Variants in TG observed in about 807,000 individuals in gnomAD.
The protein encoded by TG is thyroglobulin.
TG carries 270 observed loss-of-function variants against 324.7 expected under a neutral mutation model. The ratio of observed to expected loss-of-function variants is 0.83; its 90% CI spans 0.75 to 0.92. The LOEUF (loss-of-function observed/expected upper bound fraction) is 0.92. TG is among the 40% of genes least tolerant of loss of function. TG has a pLI of 0.00. For missense variants in TG, 3,591 were observed against 3,456.4 expected, an observed-to-expected ratio of 1.04 and a Z score of -0.98; for synonymous variants, 1,401 against 1,327.0, an observed-to-expected ratio of 1.06 and a Z score of -1.21.
intron 5 of TG, 28 bp from the exon 6 acceptor site, chr8:132,881,835 G>A (rs374686508): frequency 4.0e-6 from 6 of 1,503,388 alleles, no homozygotes; most frequent in Non-Finnish European, 5.6e-6. Context: ...CTTTATGAAT[G>A]GTGACCGTAA....
chr8:133,074,996 A>C, intron 41 of TG: 3 of 985,488 alleles, frequency 3.0e-6, no homozygotes, highest in Non-Finnish European at 3.6e-6. Context: ...GAAGCAGCCC[A>C]TGCTACACAG....
chr8:132,872,254 G>A (rs1211197158), intron 4 of TG, among the ~76,000 whole-genome samples: 15 of 151,728 alleles, frequency 9.9e-5, no homozygotes, highest in East Asian at 3.9e-4. Flanking sequence ...CGAGGCGGGC[G>A]GATCACGAGG....
At chr8:132,905,950 G>T (rs572031077) in intron 16 of TG, among the ~76,000 whole-genome samples, 1 of 152,246 alleles carries the variant, frequency 6.6e-6, no homozygotes, top group Admixed American at 6.5e-5. Context: ...ATTCCTGGAG[G>T]CATTGGGGAG....
chr8:132,955,443 T>C (rs1826712963), intron 27 of TG, among the ~76,000 whole-genome samples: 1 of 152,184 alleles, frequency 6.6e-6, no homozygotes, highest in Admixed American at 6.5e-5. Flanking sequence ...ATCCTTCAGA[T>C]CCGTGACTGA....
chr8:132,928,983 G>A lies in TG; in HGVS notation c.4700-93G>A, dbSNP rs1004200822. On this transcript the variant is annotated intron_variant, in intron 22 of 47. Coordinates refer to ENST00000220616, the MANE Select transcript of TG (RefSeq NM_003235.5). Reference sequence around the variant, plus strand: ...TTGTGTTACCAAGAGCTACGAATGGGTATTGACTGCTTGACCTAACAGTCT... The same window carrying A: ...TTGTGTTACCAAGAGCTACGAATGGATATTGACTGCTTGACCTAACAGTCT... 7 of 993,056 alleles carry A rather than the reference G, an allele frequency of 7.0e-6. No homozygotes were observed. In the African/African-American group the frequency reaches 9.5e-5, roughly 14 times the overall value. The allele number at this position is 993,056 out of a possible 1,614,324, so 61.5% of individuals were successfully genotyped here. A position where few individuals can be genotyped will look rare whatever the true frequency, so the allele number is the denominator to read the frequency against.
chr8:132,931,520 C>T (rs1822718766), intron 23 of TG, among the ~76,000 whole-genome samples: 1 of 152,076 alleles, frequency 6.6e-6, no homozygotes, highest in Admixed American at 6.5e-5. Context: ...ATCTAGAGAA[C>T]TAAGTAGCAT....
chr8:133,077,412 G>C (rs975526548), intron 41 of TG, among the ~76,000 whole-genome samples: 1 of 152,090 alleles, frequency 6.6e-6, no homozygotes, highest in Non-Finnish European at 1.5e-5. Flanking sequence ...GTGACTGAAG[G>C]GTTGCTGCTA....
chr8:133,014,350 G>T (rs984809287), intron 37 of TG, among the ~76,000 whole-genome samples: 3 of 152,126 alleles, frequency 2.0e-5, no homozygotes, highest in Admixed American at 6.6e-5. Context: ...GTTGGTTCTG[G>T]GGCTCCAGGC....
At chr8:132,945,695 A>G (rs1006611550) in intron 26 of TG, among the ~76,000 whole-genome samples, 1 of 152,206 alleles carries the variant, frequency 6.6e-6, no homozygotes, top group Non-Finnish European at 1.5e-5. Flanking sequence ...GAACAGCTAC[A>G]TAACAGGTAG....
Position 132,871,446 on chromosome 8 carries a change from G to C in TG, c.373G>C (p.Asp125His). 1.2e-6 allele frequency: 2 copies of C among 1,614,192 alleles called. No individual in the cohort carries two copies. Among genetic ancestry groups the C allele is most frequent in the Non-Finnish European group, 1.7e-6 (2 of 1,180,022 alleles). ...CCTCCCTCAGTGTCAGGATTCAGGG[G>C]ACTACGCGCCTGTTCAGTGTGATGT... Reference protein sequence around the residue: ...SYLPQCQDSGDYAPVQCDVQQ... With the variant: ...SYLPQCQDSGHYAPVQCDVQQ... Residue 125 changes from aspartate (D) to histidine (H), a missense_variant, in exon 4 of 48, where the codon GAC becomes CAC. Transcript: ENST00000220616.
At chr8:132,962,341 G>A (rs1827875693) in intron 28 of TG, among the ~76,000 whole-genome samples, 1 of 152,108 alleles carries the variant, frequency 6.6e-6, no homozygotes, top group Admixed American at 6.5e-5. Context: ...TACGTGAAAT[G>A]CCCATGGTAT....
intron 19 of TG, among the ~76,000 whole-genome samples, chr8:132,911,849 G>A (rs1252603495): frequency 6.6e-6 from 1 of 152,112 alleles, no homozygotes; most frequent in Non-Finnish European, 1.5e-5. Context: ...AGTCTTTATT[G>A]GTTTTTAACT....
chr8:132,985,365 A>G (rs551573307), intron 35 of TG, among the ~76,000 whole-genome samples: 21 of 152,270 alleles, frequency 1.4e-4, no homozygotes, highest in African/African-American at 3.1e-4. Flanking sequence ...TTTGGTAGCC[A>G]TGGGTGGGAG....
chr8:132,893,706 G>T lies in TG; in HGVS notation c.2778G>T (p.Glu926Asp). 6.2e-7 allele frequency: 1 copy of T among 1,613,880 alleles called. No individual in the cohort carries two copies. Among genetic ancestry groups the T allele is most frequent in the Non-Finnish European group, 8.5e-7 (1 of 1,179,892 alleles). Residue 926 changes from glutamate to aspartate, a missense_variant, in exon 11 of 48, where the codon GAG (glutamate) becomes GAT (aspartate). Coordinates refer to ENST00000220616, the MANE Select transcript of TG (RefSeq NM_003235.5). ...SKLPTCPGSC[E>D]EAKLRVLQFI... ...TTCCCCTAGGTCCTGGCTCCTGTGAGGAAGCAAAGCTCCGTGTACTGCAGT... is the reference window on the plus strand; with the variant it reads ...TTCCCCTAGGTCCTGGCTCCTGTGATGAAGCAAAGCTCCGTGTACTGCAGT...
intron 27 of TG, among the ~76,000 whole-genome samples, chr8:132,958,572 G>T (rs1304745532): frequency 1.3e-5 from 2 of 152,130 alleles, no homozygotes; most frequent in Non-Finnish European, 2.9e-5. Flanking sequence ...ACAAAAATTA[G>T]CCAGGTGTGG....
intron 23 of TG, among the ~76,000 whole-genome samples, chr8:132,929,971 ATAGT>A (rs1487533611): frequency 3.3e-5 from 5 of 152,124 alleles, no homozygotes; most frequent in Non-Finnish European, 7.4e-5. Flanking sequence ...CGTAGTCGCA[ATAGT>A]TAGTTTTACA....
At chr8:133,076,554 A>G (rs958380371) in intron 41 of TG, 1 of 151,992 alleles carries the variant, frequency 6.6e-6, no homozygotes, top group Non-Finnish European at 1.5e-5. Flanking sequence ...AGAAATATGC[A>G]GAAGTGGAGA....
At chr8:133,050,934 G>T in intron 41 of TG, 2 of 1,457,872 alleles carry the variant, frequency 1.4e-6, no homozygotes, top group South Asian at 2.3e-5. Flanking sequence ...ACAAAGGCAA[G>T]GGGGAAGGGG....
intron 47 of TG, 59 bp downstream of exon 47, chr8:133,133,719 C>T (rs965237927): frequency 6.4e-7 from 1 of 1,566,432 alleles, no homozygotes; most frequent in Admixed American, 1.8e-5. Context: ...ATCTGCTGTG[C>T]TCGCTGCATG....
Sources: gnomAD v4.1 joint callset for allele counts (sites outside exome capture counted in the v4.1 genomes callset) on GRCh38, gnomAD v4.1.1 for gene constraint, MANE v1.5 for transcripts, NCBI Gene and HGNC (gene_info 2026-07-23, HGNC 2026-07-21) for gene names.